The following CDH4 variants were observed in gnomAD, a reference collection of about 807,000 sequenced individuals.
The protein encoded by CDH4 is cadherin-4.
In CDH4, 33 loss-of-function variants were observed where a neutral mutation model predicts 86.0. The observed-to-expected ratio is 0.38, with a 90% CI of 0.29 to 0.51. CDH4 has a LOEUF of 0.51. Ranked by LOEUF, CDH4 falls within the 20% of genes least tolerant of loss-of-function variation. The pLI, the probability that CDH4 is intolerant of heterozygous loss-of-function variation, is 0.86. For synonymous variants in CDH4, 555 were observed against 549.4 expected, an observed-to-expected ratio of 1.01 and a Z score of -0.14; for missense variants, 1,114 against 1,307.4, an observed-to-expected ratio of 0.85 and a Z score of 2.28.
intron 2 of CDH4, among the ~76,000 whole-genome samples, chr20:61,666,096 C>T (rs6061715): frequency 0.67 from 102,002 of 152,044 alleles, 34,747 homozygotes; most frequent in African/African-American, 0.77. Context: ...TTTTCCAAAA[C>T]GGCAGACAGA....
intron 2 of CDH4, among the ~76,000 whole-genome samples, chr20:61,283,485 GATGTAGGTGCATTTGCACGCGTGTGC>G: frequency 7.6e-6 from 1 of 131,680 alleles, no homozygotes; most frequent in Non-Finnish European, 1.7e-5. Flanking sequence ...TGTGGTGTGT[GATGTAGGTGCATTTGCACGCGTGTGC>G]TGTGGTGTGT....
At chr20:61,658,979 C>T (rs1015483663) in intron 2 of CDH4, among the ~76,000 whole-genome samples, 2 of 152,170 alleles carry the variant, frequency 1.3e-5, no homozygotes, top group African/African-American at 2.4e-5. Context: ...ACCCTCAAGG[C>T]GTTTCTAACA....
chr20:61,480,094 G>A lies in CDH4; in HGVS notation c.169+225157G>A, dbSNP rs571117886. Among the ~76,000 whole-genome samples the A allele has an allele frequency of 4.1e-4, 63 of 152,216 alleles. 2 individuals are homozygous for A. The South Asian group carries it at 0.012, about 30-fold the overall frequency. ...TTCTTCTGCATTCTTCAACAAATAC[G>A]GGATATAGGAATGGTAACTTTTTAA... On this transcript the variant is annotated intron_variant, in intron 2 of 15. Coordinates refer to ENST00000614565, the MANE Select transcript of CDH4 (RefSeq NM_001794.5). This position sits in a 1 kb window ranked among gnomAD's most constrained non-coding sequence, Gnocchi z 5.2.
chr20:61,357,517 T>C (rs1036689548), intron 2 of CDH4, among the ~76,000 whole-genome samples: 5 of 152,182 alleles, frequency 3.3e-5, no homozygotes, highest in Non-Finnish European at 7.4e-5. Flanking sequence ...TGATGAACTC[T>C]TTATGTTTCT....
intron 2 of CDH4, among the ~76,000 whole-genome samples, chr20:61,284,914 G>T (rs2084284654): frequency 6.6e-6 from 1 of 152,184 alleles, no homozygotes; most frequent in Non-Finnish European, 1.5e-5. Flanking sequence ...GAATGGGTGG[G>T]GCTGTGTGCC....
At chr20:61,658,681 G>A (rs1378703523) in intron 2 of CDH4, among the ~76,000 whole-genome samples, 3 of 152,306 alleles carry the variant, frequency 2.0e-5, no homozygotes, top group Admixed American at 2.0e-4. Context: ...TGGGGCCCGG[G>A]CTTGGGGGTC....
At position 61,252,440 on chromosome 20, in the gene CDH4, TCTCGGCGGCGGCGGCGGCGGCGGC is replaced by T. The variant is rs1173329407; in HGVS notation, c.-73_-50del. 6.9e-5 allele frequency: 45 copies of T among 648,692 alleles called. No homozygotes were observed. In the African/African-American group the frequency reaches 9.2e-4, roughly 13 times the overall value. The allele number at this position is 648,692 out of a possible 1,614,324, so 40.2% of individuals were successfully genotyped here. A position where few individuals can be genotyped will look rare whatever the true frequency, so the allele number is the denominator to read the frequency against. On this transcript the variant is annotated 5_prime_UTR_variant, in exon 1 of 16. Coordinates refer to ENST00000614565, the MANE Select transcript of CDH4 (RefSeq NM_001794.5). The surrounding 1 kb of genome is among the most constrained non-coding windows in gnomAD (Gnocchi z 4.4). ...GCGGCGATCGGAGCGGCGGCGGTGG[TCTCGGCGGCGGCGGCGGCGGCGGC>T]GGCAGGGAGCGGGCTCCCGGTGCCG... is the stretch of plus-strand genomic sequence containing the variant.
intron 2 of CDH4, among the ~76,000 whole-genome samples, chr20:61,347,462 T>C (rs1044435464): frequency 6.6e-6 from 1 of 152,112 alleles, no homozygotes; most frequent in East Asian, 1.9e-4. Context: ...AGAGAAAAAA[T>C]GTAAGAGGAT....
chr20:61,595,486 G>A (rs114803611), intron 2 of CDH4, among the ~76,000 whole-genome samples: 2,231 of 152,376 alleles, frequency 0.015, 48 homozygotes, highest in African/African-American at 0.042. Flanking sequence ...AGGACGGGCT[G>A]TGGCAACCCT....
intron 2 of CDH4, among the ~76,000 whole-genome samples, chr20:61,363,565 A>G (rs149128849): frequency 2.0e-5 from 3 of 152,188 alleles, no homozygotes; most frequent in Non-Finnish European, 2.9e-5. Flanking sequence ...GATCTGGCCA[A>G]GTCAGGCTTC....
In CDH4 at chr20:61,470,622, G is replaced by A. The variant is rs140149343; in HGVS notation, c.169+215685G>A. Among the ~76,000 whole-genome samples the A allele has an allele frequency of 2.0e-3, 307 of 152,260 alleles. 1 individual carries two copies. The highest frequency in any genetic ancestry group is 7.2e-3 in the African/African-American group (298 of 41,584). ...TCCTCATCATGTTCCAGATCTTGGA[G>A]GAAAGGCTTTCAGTTTTTTTTCTCA... On this transcript the variant is annotated intron_variant, in intron 2 of 15. Coordinates refer to ENST00000614565, the MANE Select transcript of CDH4 (RefSeq NM_001794.5).
Position 61,392,355 on chromosome 20 carries a change from C to G in CDH4, c.169+137418C>G, listed in dbSNP as rs552550773. 1.3e-5 allele frequency among the ~76,000 whole-genome samples: 2 copies of G among 152,260 alleles called. No individual in the cohort carries two copies. The highest frequency in any genetic ancestry group is 4.8e-5 in the African/African-American group (2 of 41,558). ...GCTCCCCTGCGATTCCGCTCGGAGT[C>G]CCACGCTGCTCAGTATGCATGATCA... is the stretch of plus-strand genomic sequence containing the variant. On this transcript the variant is annotated intron_variant, in intron 2 of 15. Coordinates refer to ENST00000614565, the MANE Select transcript of CDH4 (RefSeq NM_001794.5). The surrounding 1 kb of genome is among the most constrained non-coding windows in gnomAD (Gnocchi z 5.7).
At chr20:61,625,932 C>T (rs2086826256) in intron 2 of CDH4, among the ~76,000 whole-genome samples, 1 of 152,232 alleles carries the variant, frequency 6.6e-6, no homozygotes, top group Non-Finnish European at 1.5e-5. Flanking sequence ...CGTCCCACCT[C>T]GTAGGGTTGC....
intron 2 of CDH4, among the ~76,000 whole-genome samples, chr20:61,529,773 G>T (rs1568879476): frequency 6.6e-6 from 1 of 152,158 alleles, no homozygotes; most frequent in Non-Finnish European, 1.5e-5. Flanking sequence ...TCTCGTTCTT[G>T]CTCAAGGTTC....
chr20:61,736,809 G>T (rs935545439), intron 2 of CDH4, among the ~76,000 whole-genome samples: 5 of 152,238 alleles, frequency 3.3e-5, no homozygotes, highest in Non-Finnish European at 5.9e-5. Context: ...CCGGGGCGGG[G>T]GCCACAGAAA....
chr20:61,669,071 G>A (rs1362597965), intron 2 of CDH4, among the ~76,000 whole-genome samples: 1 of 152,182 alleles, frequency 6.6e-6, no homozygotes, highest in African/African-American at 2.4e-5. Context: ...CCTCGGGGAT[G>A]GTGCCTGCCA....
intron 4 of CDH4, among the ~76,000 whole-genome samples, chr20:61,808,609 A>G (rs955201629): frequency 6.6e-6 from 1 of 152,222 alleles, no homozygotes; most frequent in Non-Finnish European, 1.5e-5. Flanking sequence ...ATGTGATTTG[A>G]AACAGAAGAG....
At chr20:61,298,800 C>T (rs906629022) in intron 2 of CDH4, among the ~76,000 whole-genome samples, 1 of 107,042 alleles carries the variant, frequency 9.3e-6, no homozygotes, top group Non-Finnish European at 1.9e-5. Flanking sequence ...TGAAATGTAT[C>T]GCTGGTGAGA....
chr20:61,823,966 A>G (rs1981188301), intron 4 of CDH4, among the ~76,000 whole-genome samples: 1 of 152,204 alleles, frequency 6.6e-6, no homozygotes, highest in African/African-American at 2.4e-5. Context: ...TGTCTTTTGG[A>G]TAGGTAAGGA....
Sources: allele counts gnomAD v4.1 joint callset (sites outside exome capture counted in the v4.1 genomes callset), GRCh38; gene constraint gnomAD v4.1.1; non-coding constraint Gnocchi (gnomAD v3.1); transcripts MANE v1.5; gene names NCBI Gene and HGNC (gene_info 2026-07-23, HGNC 2026-07-21).